VWA3A: variants seen among roughly 807,000 people sequenced by gnomAD.
VWA3A encodes von Willebrand factor A domain-containing protein 3A.
In VWA3A, 134 loss-of-function variants were observed where a neutral mutation model predicts 160.4. That is an observed-to-expected ratio of 0.84 (90% CI 0.73 to 0.96). The LOEUF (loss-of-function observed/expected upper bound fraction) is 0.96, where lower values mean the gene tolerates loss of function less well. VWA3A is among the 40% of genes least tolerant of loss of function. The pLI, the probability that VWA3A is intolerant of heterozygous loss-of-function variation, is 0.00. For missense variants in VWA3A, 1,310 were observed against 1,447.9 expected, an observed-to-expected ratio of 0.90 and a Z score of 1.55; for synonymous variants, 476 against 543.4, an observed-to-expected ratio of 0.88 and a Z score of 1.72.
In VWA3A at chr16:22,126,210, A is replaced by G. The variant is rs1193540409; in HGVS notation, c.1565A>G (p.Asn522Ser). Residue 522 changes from asparagine to serine, a missense_variant, in exon 17 of 34, where the codon AAT becomes AGT. Asn to Ser is a conservative substitution (Grantham distance 46). Coordinates refer to ENST00000389398, the MANE Select transcript of VWA3A (RefSeq NM_173615.5). ...VVVLLDISAT[N>S]SMYIIHIQHS... is the part of the protein sequence containing the mutation. ...GTACTGCTCGATATCTCTGCGACCA[A>G]TTCCATGTACATTATTCATATCCAG... The G allele has an allele frequency of 6.2e-7, 1 of 1,613,848 alleles. No individual in the cohort carries two copies. Among genetic ancestry groups the G allele is most frequent in the Admixed American group, 1.7e-5 (1 of 59,986 alleles).
chr16:22,121,598 T>C lies in VWA3A; in HGVS notation c.1337T>C (p.Val446Ala). ...TTTGTACCTATTCTCCAGAAAACAG[T>C]ATCATCGACCATCCATGAGGTAATT... ...EEFVPILQKT[V>A]SSTIHEKAMI... is the part of the protein sequence containing the mutation. Residue 446 changes from valine to alanine, a missense_variant, in exon 14 of 34, where the codon GTA becomes GCA. Coordinates refer to ENST00000389398, the MANE Select transcript of VWA3A (RefSeq NM_173615.5). 1 of 1,612,740 alleles carries C rather than the reference T, an allele frequency of 6.2e-7. No individual in the cohort carries two copies. The highest frequency in any genetic ancestry group is 1.7e-5 in the Admixed American group (1 of 60,018).
chr16:22,138,256 G>A, intron 21 of VWA3A, 104 bp from the exon 22 acceptor site: 1 of 1,373,894 alleles, frequency 7.3e-7, no homozygotes, highest in Non-Finnish European at 9.8e-7. Context: ...GAGTCCAGGG[G>A]ACATCAGAGG....
chr16:22,110,933 C>G lies in VWA3A; in HGVS notation c.628C>G (p.Leu210Val). The G allele has an allele frequency of 6.2e-7, 1 of 1,610,564 alleles. No individual in the cohort carries two copies. The highest frequency in any genetic ancestry group is 1.7e-5 in the Admixed American group (1 of 59,598). ...QLSHKEKLFV[L>V]SFGTNAGSLW... ...GAGCCACAAGGAGAAGCTGTTTGTC[C>G]TGTCCTTTGGCACCAATGCCGGGTC... Residue 210 changes from leucine (L) to valine (V), a missense_variant, in exon 8 of 34, where the codon CTG (leucine) becomes GTG (valine). Transcript: ENST00000389398.
chr16:22,141,649 G>A lies in VWA3A; in HGVS notation c.2451G>A (p.Glu817=), dbSNP rs377058854. The A allele has an allele frequency of 1.9e-6, 3 of 1,612,222 alleles. No homozygotes were observed. The highest frequency in any genetic ancestry group is 1.6e-4 in the Middle Eastern group (1 of 6,082). ...LRRKTKSREA[E]TSLLLFYTEK... is the part of the protein sequence containing the mutation. ...GGAAGACCAAGTCAAGGGAAGCAGA[G>A]ACATCTCTTTTACTGTTCTACACAG... Residue 817 remains glutamate, a synonymous_variant, in exon 24 of 34, where the codon GAG becomes GAA. Coordinates refer to ENST00000389398, the MANE Select transcript of VWA3A (RefSeq NM_173615.5).
intron 28 of VWA3A, among the ~76,000 whole-genome samples, chr16:22,148,735 C>G (rs1416060992): frequency 6.6e-6 from 1 of 152,000 alleles, no homozygotes; most frequent in African/African-American, 2.4e-5. Context: ...TGCACCAGTG[C>G]ACTCCTGCCT....
Position 22,131,695 on chromosome 16 carries a change from A to G in VWA3A, c.1838A>G (p.Tyr613Cys). ...DKDKHQSQGI[Y>C]LFTGGIPDQD... ...GACAAACACCAATCGCAGGGAATCTACCTCTTCACTGGGGGCATCCCCGAC... is the reference window on the plus strand; with the variant it reads ...GACAAACACCAATCGCAGGGAATCTGCCTCTTCACTGGGGGCATCCCCGAC... The change falls in exon 19 of 34, where the codon TAC becomes TGC. Residue 613 changes from tyrosine (Y) to cysteine (C), a missense_variant. By Grantham distance (194) the Tyr-to-Cys change is radical. Coordinates refer to ENST00000389398, the MANE Select transcript of VWA3A (RefSeq NM_173615.5). The G allele has an allele frequency of 6.2e-7, 1 of 1,613,922 alleles. No homozygotes were observed. The highest frequency in any genetic ancestry group is 1.3e-5 in the African/African-American group (1 of 75,044).
chr16:22,111,472 A>G (rs1432699561), intron 8 of VWA3A, among the ~76,000 whole-genome samples: 1 of 152,078 alleles, frequency 6.6e-6, no homozygotes, highest in African/African-American at 2.4e-5. Flanking sequence ...GGCATGTGCC[A>G]CCACACCCTG....
chr16:22,117,162 A>C lies in VWA3A; in HGVS notation c.976A>C (p.Ser326Arg). ...EAVRGYYHCYSPKMEHYTSRD... is the reference protein window; with the variant it reads ...EAVRGYYHCYRPKMEHYTSRD... ...TGTTAGGGGCTACTACCACTGCTAC[A>C]GCCCAAAGATGGAGGTAAGCCCTTC... The change falls in exon 11 of 34, where the codon AGC becomes CGC. Residue 326 changes from serine to arginine, a missense_variant. Transcript: ENST00000389398. 6.3e-7 allele frequency: 1 copy of C among 1,581,574 alleles called. No homozygotes were observed. Among genetic ancestry groups the C allele is most frequent in the Non-Finnish European group, 8.6e-7 (1 of 1,163,420 alleles).
At position 22,097,562 on chromosome 16, in the gene VWA3A, T is replaced by C; in HGVS notation, c.102-10T>C. 6.4e-7 allele frequency: 1 copy of C among 1,551,228 alleles called. No individual in the cohort carries two copies. The highest frequency in any genetic ancestry group is 2.4e-5 in the East Asian group (1 of 40,914). On this transcript the variant is annotated splice_polypyrimidine_tract_variant and intron_variant, in intron 2 of 33. Transcript: ENST00000389398. ...CTGGGGCATTGATCAAATTACTTTA[T>C]GTTTTGTAGCATTAGGAGAAACACT... is the stretch of plus-strand genomic sequence containing the variant.
intron 16 of VWA3A, among the ~76,000 whole-genome samples, chr16:22,124,355 G>A (rs1296635654): frequency 6.6e-6 from 1 of 151,490 alleles, no homozygotes; most frequent in African/African-American, 2.4e-5. Flanking sequence ...AACTCAAATT[G>A]ACTGATAGAG....
Position 22,156,892 on chromosome 16 carries a change from G to A in VWA3A, c.*875G>A, listed in dbSNP as rs2046450046. ...GAAGTGATCATTGGCGTGTGTGTGT[G>A]TGCATAAATTTTTAGTGACATAAAA... is the stretch of plus-strand genomic sequence containing the variant. On this transcript the variant is annotated 3_prime_UTR_variant, in exon 34 of 34. Coordinates refer to ENST00000389398, the MANE Select transcript of VWA3A (RefSeq NM_173615.5). The A allele has an allele frequency of 6.6e-6, 1 of 152,166 alleles. No individual in the cohort carries two copies. The highest frequency in any genetic ancestry group is 2.1e-4 in the South Asian group (1 of 4,832). 9.4% of individuals were successfully genotyped at this position (152,166 alleles called of 1,614,324 possible).
rs1394192591 is a variant in VWA3A at position 22,148,222 on chromosome 16, C to G, written c.2900C>G (p.Ser967Ter). The G allele has an allele frequency of 1.9e-6, 3 of 1,601,540 alleles. No homozygotes were observed. In the Admixed American group the frequency reaches 5.2e-5, roughly 28 times the overall value. ...ESKVCILLDTSGSMGPYLQQV... is the reference protein window; with the variant it reads ...ESKVCILLDT ...AAAGTATGCATATTGCTGGACACGT[C>G]AGGGTCCATGGGCCCCTACCTGCAG... The change falls in exon 28 of 34, where the codon TCA (serine) becomes TGA (stop). Residue 967 changes from serine (S) to a stop codon, truncating the protein, a stop_gained. Transcript: ENST00000389398. LOFTEE classifies it high-confidence loss of function.
chr16:22,138,526 C>A lies in VWA3A; in HGVS notation c.2292+14C>A. On this transcript the variant is annotated intron_variant, in intron 22 of 33. Transcript: ENST00000389398. Reference sequence around the variant, plus strand: ...GGGGCCAGAATGGTTTGACTCCCCTCCTAATAACACGCAGAAGATTTGGTT... The same window carrying A: ...GGGGCCAGAATGGTTTGACTCCCCTACTAATAACACGCAGAAGATTTGGTT... 1 of 1,613,326 alleles carries A rather than the reference C, an allele frequency of 6.2e-7. No homozygotes were observed. Among genetic ancestry groups the A allele is most frequent in the Non-Finnish European group, 8.5e-7 (1 of 1,179,704 alleles).
At chr16:22,136,196 G>A (rs145986802) in intron 21 of VWA3A, among the ~76,000 whole-genome samples, 2 of 152,330 alleles carry the variant, frequency 1.3e-5, no homozygotes, top group African/African-American at 4.8e-5. Context: ...GAGGAGCAAT[G>A]ACTATCTAAG....
At chr16:22,112,573 GC>G (rs2045568414) in intron 8 of VWA3A, among the ~76,000 whole-genome samples, 1 of 152,106 alleles carries the variant, frequency 6.6e-6, no homozygotes, top group Non-Finnish European at 1.5e-5. Context: ...TTAAAAATTA[GC>G]CCAGTGTGAT....
chr16:22,131,806 G>C, intron 19 of VWA3A, 77 bp downstream of exon 19: 1 of 1,509,322 alleles, frequency 6.6e-7, no homozygotes, highest in Non-Finnish European at 8.9e-7. Flanking sequence ...ACCTTGCCAA[G>C]GTTTCTGCAG....
intron 3 of VWA3A, among the ~76,000 whole-genome samples, chr16:22,099,590 TA>T (rs2045376729): frequency 6.6e-6 from 1 of 152,256 alleles, no homozygotes; most frequent in African/African-American, 2.4e-5. Flanking sequence ...GTATTTGCAG[TA>T]ATTATGAGAG....
intron 1 of VWA3A, 134 bp from the exon 2 acceptor site, chr16:22,096,725 A>G: frequency 1.6e-6 from 1 of 607,968 alleles, no homozygotes; most frequent in South Asian, 2.0e-5. Flanking sequence ...AGCCTGGGCA[A>G]CTAAGTGAGA....
At chr16:22,117,325 T>A in intron 11 of VWA3A, 149 bp downstream of exon 11, 2 of 830,620 alleles carry the variant, frequency 2.4e-6, no homozygotes, top group Non-Finnish European at 3.7e-6. Context: ...GTTACACAGG[T>A]AAAATCAGGT....
Sources: gnomAD v4.1 joint callset for allele counts (sites outside exome capture counted in the v4.1 genomes callset) on GRCh38, gnomAD v4.1.1 for gene constraint, MANE v1.5 for transcripts, NCBI Gene and HGNC (gene_info 2026-07-23, HGNC 2026-07-21) for gene names.